The following ADGRL3 variants were observed in gnomAD, a reference collection of about 807,000 sequenced individuals.
ADGRL3 encodes the protein adhesion G protein-coupled receptor L3.
In ADGRL3, 62 loss-of-function variants were observed where a neutral mutation model predicts 153.5. The observed-to-expected ratio is 0.40, with a 90% CI of 0.33 to 0.50. The LOEUF (loss-of-function observed/expected upper bound fraction) is 0.50. ADGRL3 is among the 20% of genes least tolerant of loss of function. The pLI, the probability that ADGRL3 is intolerant of heterozygous loss-of-function variation, is 0.47. For missense variants in ADGRL3, 1,641 were observed against 1,859.4 expected, an observed-to-expected ratio of 0.88 and a Z score of 2.16; for synonymous variants, 710 against 672.5, an observed-to-expected ratio of 1.06 and a Z score of -0.86.
intron 2 of ADGRL3, among the ~76,000 whole-genome samples, chr4:61,469,732 C>A (rs767444898): frequency 6.6e-6 from 1 of 151,782 alleles, no homozygotes. Context: ...TAGTTTACAG[C>A]GTAAGAATGT....
intron 9 of ADGRL3, among the ~76,000 whole-genome samples, chr4:61,865,515 G>A (rs1018841957): frequency 5.3e-5 from 8 of 152,224 alleles, no homozygotes; most frequent in East Asian, 1.9e-4. Flanking sequence ...ATATGCTTTC[G>A]TTGCCCATAT....
intron 25 of ADGRL3, among the ~76,000 whole-genome samples, chr4:62,061,278 T>G (rs932369973): frequency 4.0e-5 from 6 of 151,864 alleles, no homozygotes; most frequent in African/African-American, 1.4e-4. Flanking sequence ...CTGCCTAGAT[T>G]ACTTTTCGTT....
chr4:61,401,449 A>T (rs1210264551), intron 2 of ADGRL3, among the ~76,000 whole-genome samples: 1 of 152,004 alleles, frequency 6.6e-6, no homozygotes, highest in East Asian at 1.9e-4. Context: ...TATGTAATGG[A>T]AAACAAATAC....
chr4:61,435,431 G>A (rs1042819669), intron 2 of ADGRL3, among the ~76,000 whole-genome samples: 16 of 152,010 alleles, frequency 1.1e-4, no homozygotes, highest in Admixed American at 1.3e-4. Flanking sequence ...CACCAGAAGC[G>A]TATGGATTCA....
At chr4:61,624,798 T>C (rs916466027) in intron 5 of ADGRL3, among the ~76,000 whole-genome samples, 4 of 152,090 alleles carry the variant, frequency 2.6e-5, no homozygotes, top group African/African-American at 7.2e-5. Flanking sequence ...AGATAAACCA[T>C]TGTCATAAGA....
At chr4:61,863,231 C>CTTTTTTTTT (rs1189171329) in intron 9 of ADGRL3, among the ~76,000 whole-genome samples, 10 of 80,904 alleles carry the variant, frequency 1.2e-4, no homozygotes, top group African/African-American at 2.5e-4. Context: ...GGGCATCATT[C>CTTTTTTTTT]TTTTTTTTTT....
chr4:61,878,220 G>A (rs2098487222), intron 9 of ADGRL3, among the ~76,000 whole-genome samples: 1 of 152,066 alleles, frequency 6.6e-6, no homozygotes, highest in Non-Finnish European at 1.5e-5. Context: ...CCAACCATGT[G>A]ACCTCATTTT....
chr4:61,491,917 C>T (rs2098262116), intron 2 of ADGRL3, among the ~76,000 whole-genome samples: 1 of 152,040 alleles, frequency 6.6e-6, no homozygotes, highest in African/African-American at 2.4e-5. Flanking sequence ...AGTCCAAATA[C>T]TAACCCTGGA....
intron 4 of ADGRL3, among the ~76,000 whole-genome samples, chr4:61,539,606 C>T (rs1169862150): frequency 6.6e-6 from 1 of 152,110 alleles, no homozygotes; most frequent in Non-Finnish European, 1.5e-5. Context: ...AGTGGGTACG[C>T]AAACAGCGTG....
intron 25 of ADGRL3, 82 bp downstream of exon 25, chr4:62,044,631 T>C: frequency 1.1e-6 from 1 of 884,918 alleles, no homozygotes; most frequent in Admixed American, 2.2e-5. Flanking sequence ...ATTTGCAACT[T>C]CTGAACCTGT....
chr4:61,652,876 G>A (rs1459723842), intron 5 of ADGRL3, among the ~76,000 whole-genome samples: 6 of 152,052 alleles, frequency 3.9e-5, no homozygotes, highest in African/African-American at 1.4e-4. Flanking sequence ...ATATGGAAGT[G>A]AATAATGTTC....
At chr4:62,022,556 G>A (rs968418036) in intron 21 of ADGRL3, among the ~76,000 whole-genome samples, 5 of 152,098 alleles carry the variant, frequency 3.3e-5, no homozygotes, top group African/African-American at 1.2e-4. Context: ...GTCAATGTCT[G>A]GCTTCAAGGC....
chr4:61,596,188 G>A (rs947039217), intron 5 of ADGRL3, among the ~76,000 whole-genome samples: 3 of 152,178 alleles, frequency 2.0e-5, no homozygotes, highest in Non-Finnish European at 4.4e-5. Context: ...TTGTTAAAAT[G>A]TGCTGTTCCA....
At chr4:61,497,442 T>G (rs2098331655) in intron 3 of ADGRL3, 94 bp downstream of exon 3, 2 of 677,348 alleles carry the variant, frequency 3.0e-6, no homozygotes, top group African/African-American at 1.9e-5. Flanking sequence ...GACTGCTTTG[T>G]AGTTTTTCCT....
chr4:62,008,750 AATATAC>A (rs1381821442), intron 21 of ADGRL3, among the ~76,000 whole-genome samples: 2 of 151,678 alleles, frequency 1.3e-5, no homozygotes, highest in Admixed American at 6.6e-5. Context: ...TATAGATACA[AATATAC>A]ATATATATGC....
At chr4:61,435,841 C>T (rs1370186381) in intron 2 of ADGRL3, among the ~76,000 whole-genome samples, 1 of 150,204 alleles carries the variant, frequency 6.7e-6, no homozygotes, top group African/African-American at 2.4e-5. Flanking sequence ...TGGGGAAGTC[C>T]GTAGTAAAGT....
intron 8 of ADGRL3, among the ~76,000 whole-genome samples, chr4:61,754,049 A>G (rs572001263): frequency 6.6e-6 from 1 of 152,300 alleles, no homozygotes; most frequent in African/African-American, 2.4e-5. Flanking sequence ...CCTTATTCAC[A>G]TGTAAGGCTG....
At chr4:61,359,917 TATG>T (rs1457897309) in intron 1 of ADGRL3, among the ~76,000 whole-genome samples, 3 of 152,058 alleles carry the variant, frequency 2.0e-5, no homozygotes, top group African/African-American at 4.8e-5. Context: ...GAAGCAATAT[TATG>T]ATGATGTTAT....
intron 2 of ADGRL3, among the ~76,000 whole-genome samples, chr4:61,388,746 T>A (rs2096769530): frequency 6.6e-6 from 1 of 152,198 alleles, no homozygotes; most frequent in South Asian, 2.1e-4. Context: ...CTGGCTTCAT[T>A]GCTGCGTGTG....
Sources: gnomAD v4.1 joint callset for allele counts (sites outside exome capture counted in the v4.1 genomes callset) on GRCh38, gnomAD v4.1.1 for gene constraint, MANE v1.5 for transcripts, NCBI Gene and HGNC (gene_info 2026-07-23, HGNC 2026-07-21) for gene names.